MPP7: variants seen among roughly 807,000 people sequenced by gnomAD.
MPP7 encodes MAGUK p55 subfamily member 7.
A neutral mutation model predicts 76.5 loss-of-function variants in MPP7; 60 were observed. The observed-to-expected ratio is 0.78, with a 90% CI of 0.64 to 0.97. The LOEUF (loss-of-function observed/expected upper bound fraction) is 0.97, where lower values mean the gene tolerates loss of function less well. Ranked by LOEUF, MPP7 falls within the 50% of genes least tolerant of loss-of-function variation. The probability of loss-of-function intolerance (pLI) is 0.00; values close to 1 mark genes in which losing one functional copy is unlikely to be tolerated. For missense variants in MPP7, 641 were observed against 694.0 expected, an observed-to-expected ratio of 0.92 and a Z score of 0.86; for synonymous variants, 237 against 244.5, an observed-to-expected ratio of 0.97 and a Z score of 0.29.
At chr10:28,183,215 T>C (rs1837117258) in intron 3 of MPP7, among the ~76,000 whole-genome samples, 1 of 152,224 alleles carries the variant, frequency 6.6e-6, no homozygotes, top group South Asian at 2.1e-4. Flanking sequence ...AGGTTATCAC[T>C]GGCAGGAAAA....
intron 11 of MPP7, among the ~76,000 whole-genome samples, chr10:28,113,865 T>C (rs1834579733): frequency 6.6e-6 from 1 of 152,162 alleles, no homozygotes; most frequent in Non-Finnish European, 1.5e-5. Context: ...AGACTAGAAA[T>C]GGGCAGGAGA....
At chr10:28,198,902 C>A (rs1374469647) in intron 3 of MPP7, among the ~76,000 whole-genome samples, 2 of 152,114 alleles carry the variant, frequency 1.3e-5, no homozygotes, top group African/African-American at 4.8e-5. Flanking sequence ...TCTATTTCCA[C>A]CCTCATAAAC....
intron 1 of MPP7, among the ~76,000 whole-genome samples, chr10:28,297,175 G>A (rs776388119): frequency 1.3e-5 from 2 of 152,182 alleles, no homozygotes; most frequent in African/African-American, 4.8e-5. Context: ...CTTTCCAAGT[G>A]CATATAGAAG....
chr10:28,288,624 C>T (rs1172111779), intron 1 of MPP7, among the ~76,000 whole-genome samples: 1 of 152,066 alleles, frequency 6.6e-6, no homozygotes, highest in Non-Finnish European at 1.5e-5. Flanking sequence ...ATAGATATAA[C>T]TCATGTAAAG....
intron 1 of MPP7, among the ~76,000 whole-genome samples, chr10:28,247,335 C>T (rs1002264105): frequency 6.6e-6 from 1 of 152,054 alleles, no homozygotes; most frequent in African/African-American, 2.4e-5. Flanking sequence ...AAAATTGATT[C>T]GTTTGTAAAT....
intron 16 of MPP7, 64 bp downstream of exon 16, chr10:28,056,416 C>G: frequency 6.5e-7 from 1 of 1,529,744 alleles, no homozygotes; most frequent in Non-Finnish European, 8.8e-7. Context: ...GCTTCGGCCT[C>G]CCAAAGTGCT....
At chr10:28,267,566 A>G (rs10763655) in intron 1 of MPP7, among the ~76,000 whole-genome samples, 44,307 of 152,054 alleles carry the variant, frequency 0.29, 7,386 homozygotes, top group East Asian at 0.55. Flanking sequence ...CTAGAGCATT[A>G]CAGATTTTGG....
rs760307343 is a variant in MPP7 at position 28,326,153 on chromosome 10, G to A, written c.-132+3776C>T. On this transcript the variant is annotated intron_variant, in intron 2 of 11. Coordinates refer to the MPP7 transcript ENST00000441595. The stretch of plus-strand genomic sequence containing the variant: ...TGCACACCAAAGATTTGGGGTAGAC[G>A]TGATAATGCAGAGAAACGTTTTTCA... 5.9e-5 allele frequency among the ~76,000 whole-genome samples: 9 copies of A among 152,210 alleles called. No homozygotes were observed. The South Asian group carries it at 8.3e-4, about 14-fold the overall frequency.
chr10:28,182,361 T>C (rs1837086998), intron 3 of MPP7, among the ~76,000 whole-genome samples: 1 of 152,198 alleles, frequency 6.6e-6, no homozygotes, highest in Non-Finnish European at 1.5e-5. Context: ...AATTAAAGTC[T>C]AACAATTCAA....
chr10:28,308,267 TC>T (rs946539572), intron 2 of MPP7, among the ~76,000 whole-genome samples: 2 of 152,160 alleles, frequency 1.3e-5, no homozygotes, highest in African/African-American at 2.4e-5. Context: ...AGACTGGTCT[TC>T]AGTGTTCTCT....
At chr10:28,087,156 T>C (rs914368529) in intron 12 of MPP7, among the ~76,000 whole-genome samples, 1 of 152,110 alleles carries the variant, frequency 6.6e-6, no homozygotes, top group African/African-American at 2.4e-5. Context: ...CCAAGAAAGC[T>C]GGTTGTTAAA....
intron 1 of MPP7, among the ~76,000 whole-genome samples, chr10:28,262,228 T>TAC (rs1839995130): frequency 1.6e-4 from 5 of 31,294 alleles, no homozygotes; most frequent in Non-Finnish European, 5.4e-5. Context: ...TATATATACA[T>TAC]ATATATATAT....
intron 8 of MPP7, among the ~76,000 whole-genome samples, chr10:28,121,950 T>A (rs991277713): frequency 2.0e-5 from 3 of 152,230 alleles, no homozygotes; most frequent in African/African-American, 7.2e-5. Flanking sequence ...CAGTCAGCTC[T>A]GGGCCGAGCC....
chr10:28,120,805 C>G, intron 8 of MPP7, 137 bp from the exon 9 acceptor site: 1 of 570,888 alleles, frequency 1.8e-6, no homozygotes, highest in Non-Finnish European at 3.0e-6. Flanking sequence ...ACGGAGGAAA[C>G]TATTTTTGTA....
intron 1 of MPP7, among the ~76,000 whole-genome samples, chr10:28,264,947 T>C (rs78517154): frequency 0.01 from 1,584 of 152,206 alleles, 30 homozygotes; most frequent in East Asian, 0.071. Flanking sequence ...TTGAGAAATA[T>C]AAAAATACTA....
chr10:28,110,209 C>T (rs1486562235), intron 11 of MPP7, among the ~76,000 whole-genome samples: 6 of 152,064 alleles, frequency 3.9e-5, no homozygotes, highest in Non-Finnish European at 8.8e-5. Context: ...CCTGCCTCTG[C>T]CTCCTGAGTA....
upstream of MPP7, chr10:28,303,392 C>T (rs976653825): frequency 2.0e-5 from 3 of 152,212 alleles, no homozygotes; most frequent in African/African-American, 7.2e-5. Flanking sequence ...CTGAGGAGAA[C>T]CCCGGATACG....
intron 3 of MPP7, among the ~76,000 whole-genome samples, chr10:28,183,483 A>G (rs7894070): frequency 0.48 from 73,762 of 152,114 alleles, 20,630 homozygotes; most frequent in Middle Eastern, 0.72. Context: ...GAAATAAAAA[A>G]GCCAGAAGAA....
chr10:28,328,530 A>G (rs1676781), intron 2 of MPP7, among the ~76,000 whole-genome samples: 2 of 151,030 alleles, frequency 1.3e-5, no homozygotes, highest in African/African-American at 4.9e-5. Context: ...GGAGGAAAAA[A>G]GTGCTTCTGT....
Sources: gnomAD v4.1 joint callset for allele counts (sites outside exome capture counted in the v4.1 genomes callset) on GRCh38, gnomAD v4.1.1 for gene constraint, MANE v1.5 for transcripts, NCBI Gene and HGNC (gene_info 2026-07-23, HGNC 2026-07-21) for gene names.